Variants in SHISA9 observed in about 807,000 individuals in gnomAD.
SHISA9 encodes protein shisa-9.
Under a neutral mutation model 38.0 loss-of-function variants are expected in SHISA9, and 13 were observed. The ratio of observed to expected loss-of-function variants is 0.34; its 90% CI spans 0.22 to 0.54. SHISA9 has a LOEUF of 0.54. Ranked by LOEUF, SHISA9 falls within the 20% of genes least tolerant of loss-of-function variation. The pLI is 0.91. For synonymous variants in SHISA9, 275 were observed against 242.0 expected, an observed-to-expected ratio of 1.14 and a Z score of -1.27; for missense variants, 538 against 575.8, an observed-to-expected ratio of 0.93 and a Z score of 0.67.
At position 13,228,299 on chromosome 16, in the gene SHISA9, G is replaced by A. The variant is rs556222301; in HGVS notation, c.896-6731G>A. Among the ~76,000 whole-genome samples the A allele has an allele frequency of 5.3e-5, 8 of 152,348 alleles. No homozygotes were observed. In the South Asian group the frequency reaches 1.2e-3, roughly 24 times the overall value. Reference sequence around the variant, plus strand: ...CTCAGAGTTAGGTTAGGAGGATGGTGTGGATTCTCCATGTGGGACTCACTG... The same window carrying A: ...CTCAGAGTTAGGTTAGGAGGATGGTATGGATTCTCCATGTGGGACTCACTG... On this transcript the variant is annotated intron_variant, in intron 4 of 4. Transcript: ENST00000558583.
intron 2 of SHISA9, among the ~76,000 whole-genome samples, chr16:13,133,738 G>T (rs536603736): frequency 6.6e-6 from 1 of 152,222 alleles, no homozygotes; most frequent in South Asian, 2.1e-4. Flanking sequence ...GAAGTAATTG[G>T]CTTGTTCTCT....
At chr16:13,378,829 A>C in the SHISA9 span, among the ~76,000 whole-genome samples, 1 of 152,212 alleles carries the variant, frequency 6.6e-6, no homozygotes, top group Non-Finnish European at 1.5e-5. Flanking sequence ...ATGCATTCTA[A>C]TTACCTAGTT....
chr16:13,475,601 A>G, the SHISA9 span, among the ~76,000 whole-genome samples: 1 of 152,132 alleles, frequency 6.6e-6, no homozygotes, highest in Non-Finnish European at 1.5e-5. Flanking sequence ...GTTTCATGGA[A>G]GACAATTTTT....
the SHISA9 span, among the ~76,000 whole-genome samples, chr16:13,323,681 T>A: frequency 6.6e-6 from 1 of 152,224 alleles, no homozygotes; most frequent in South Asian, 2.1e-4. Context: ...ACAAGGTAAC[T>A]TCCTCACAAG....
intron 2 of SHISA9, among the ~76,000 whole-genome samples, chr16:12,957,322 GCCATAATAAAATA>G (rs1277761701): frequency 6.6e-6 from 1 of 152,162 alleles, no homozygotes; most frequent in Admixed American, 6.5e-5. Context: ...AGTTCAGGCT[GCCATAATAAAATA>G]CCATAGAGTG....
chr16:13,022,281 A>G (rs2072865624), intron 2 of SHISA9, among the ~76,000 whole-genome samples: 1 of 151,972 alleles, frequency 6.6e-6, no homozygotes, highest in Admixed American at 6.6e-5. Flanking sequence ...CCTCTCGAGT[A>G]ACTGGGACGA....
intron 2 of SHISA9, among the ~76,000 whole-genome samples, chr16:13,153,915 G>A (rs1183794225): frequency 2.0e-5 from 3 of 149,082 alleles, no homozygotes; most frequent in Middle Eastern, 3.4e-3. Flanking sequence ...CGTGGCTGAA[G>A]CTCCTGTTGC....
chr16:13,308,983 T>G, the SHISA9 span, among the ~76,000 whole-genome samples: 1 of 151,866 alleles, frequency 6.6e-6, no homozygotes, highest in Admixed American at 6.6e-5. Flanking sequence ...TGGGGAGGCT[T>G]AAAAGATAAG....
At chr16:13,076,732 C>G (rs1404302970) in intron 2 of SHISA9, among the ~76,000 whole-genome samples, 1 of 152,198 alleles carries the variant, frequency 6.6e-6, no homozygotes, top group Non-Finnish European at 1.5e-5. Context: ...CGGCAATAGC[C>G]TCTTGCAGTG....
the SHISA9 span, among the ~76,000 whole-genome samples, chr16:13,360,967 C>G: frequency 7.2e-5 from 11 of 152,234 alleles, no homozygotes; most frequent in African/African-American, 2.7e-4. Context: ...CTCACTTGCT[C>G]TACTCCTCAT....
At chr16:12,996,726 T>C (rs1232692196) in intron 2 of SHISA9, among the ~76,000 whole-genome samples, 1 of 152,092 alleles carries the variant, frequency 6.6e-6, no homozygotes, top group African/African-American at 2.4e-5. Flanking sequence ...ATCTTGAGGG[T>C]AGAGCCTCCA....
At chr16:13,114,195 G>A (rs989500137) in intron 2 of SHISA9, among the ~76,000 whole-genome samples, 32 of 152,036 alleles carry the variant, frequency 2.1e-4, no homozygotes, top group East Asian at 5.8e-4. Context: ...GGCTGGGCGT[G>A]GTGGCTCACA....
intron 4 of SHISA9, among the ~76,000 whole-genome samples, chr16:13,218,755 T>C (rs1181976000): frequency 6.6e-6 from 1 of 152,208 alleles, no homozygotes; most frequent in Non-Finnish European, 1.5e-5. Flanking sequence ...GTTCTTTCCT[T>C]CTTCTAAGAA....
chr16:13,225,546 G>A (rs1011939116), intron 4 of SHISA9, among the ~76,000 whole-genome samples: 5 of 152,168 alleles, frequency 3.3e-5, no homozygotes, highest in African/African-American at 9.7e-5. Flanking sequence ...AAACCGATGA[G>A]GAAATGTGAA....
chr16:13,458,136 TG>T, the SHISA9 span, among the ~76,000 whole-genome samples: 18 of 152,320 alleles, frequency 1.2e-4, no homozygotes, highest in East Asian at 3.3e-3. Flanking sequence ...TGGGAAACAG[TG>T]AAGGATAACA....
intron 2 of SHISA9, among the ~76,000 whole-genome samples, chr16:13,183,828 T>A (rs1053487275): frequency 1.8e-4 from 27 of 152,232 alleles, no homozygotes. Context: ...TTTGAGTTTA[T>A]CTTTCCTATT....
the SHISA9 span, among the ~76,000 whole-genome samples, chr16:13,510,657 G>T: frequency 3.3e-5 from 5 of 152,164 alleles, no homozygotes; most frequent in African/African-American, 1.2e-4. Flanking sequence ...AGGCTTAGAA[G>T]TGACTATTAA....
chr16:13,219,526 A>T (rs1242241410), intron 4 of SHISA9, among the ~76,000 whole-genome samples: 2 of 151,928 alleles, frequency 1.3e-5, no homozygotes, highest in African/African-American at 2.4e-5. Context: ...GAGACTATTA[A>T]TTTTTTTGCC....
At chr16:13,488,099 C>G in the SHISA9 span, among the ~76,000 whole-genome samples, 31 of 152,226 alleles carry the variant, frequency 2.0e-4, 1 homozygote, top group Admixed American at 1.8e-3. Flanking sequence ...AATGGACCAC[C>G]AGGGGGGTTT....
Sources: allele counts gnomAD v4.1 joint callset (sites outside exome capture counted in the v4.1 genomes callset), GRCh38; gene constraint gnomAD v4.1.1; transcripts MANE v1.5; gene names NCBI Gene and HGNC (gene_info 2026-07-23, HGNC 2026-07-21).